MGAT5: variants seen among roughly 807,000 people sequenced by gnomAD.
MGAT5 encodes the protein alpha-1,6-mannosylglycoprotein 6-beta-N-acetylglucosaminyltransferase A.
A neutral mutation model predicts 94.3 loss-of-function variants in MGAT5; 30 were observed. That is an observed-to-expected ratio of 0.32 (90% CI 0.24 to 0.43). The LOEUF is 0.43. Among genes scored for constraint, MGAT5 ranks in the 20% least tolerant of loss-of-function variants. The pLI is 1.00. For synonymous variants in MGAT5, 310 were observed against 322.9 expected, an observed-to-expected ratio of 0.96 and a Z score of 0.43; for missense variants, 691 against 905.5, an observed-to-expected ratio of 0.76 and a Z score of 3.04.
chr2:134,213,044 G>T (rs1018597112), intron 1 of MGAT5, among the ~76,000 whole-genome samples: 3 of 152,184 alleles, frequency 2.0e-5, no homozygotes, highest in African/African-American at 7.2e-5. Flanking sequence ...GAAGAGTCAG[G>T]TCTGCATAGG....
intron 2 of MGAT5, among the ~76,000 whole-genome samples, chr2:134,302,362 A>T (rs893606740): frequency 3.3e-5 from 5 of 152,202 alleles, no homozygotes; most frequent in Non-Finnish European, 7.3e-5. Context: ...TCAATGTCTT[A>T]CATCTATAAA....
In MGAT5 at chr2:134,433,833, CTT is replaced by C. The variant is rs11307289; in HGVS notation, c.1869+5409_1869+5410del. On this transcript the variant is annotated intron_variant, in intron 14 of 15. Transcript: ENST00000281923. ...TTCATGGTCCTACCTGTCCTACCAA[CTT>C]TTTTTTTTTTTTTTGCCAATTTCTG... Among the ~76,000 whole-genome samples, 979 of 137,564 alleles carry C rather than the reference CTT, an allele frequency of 7.1e-3. 7 individuals are homozygous for C. The highest frequency in any genetic ancestry group is 0.017 in the African/African-American group (621 of 36,746). 90.2% of individuals were successfully genotyped at this position (137,564 alleles called of 152,430 possible).
intron 10 of MGAT5, among the ~76,000 whole-genome samples, chr2:134,387,333 T>TATATATATATATATA (rs1491455775): frequency 2.1e-3 from 21 of 9,792 alleles, no homozygotes; most frequent in East Asian, 3.0e-3. Flanking sequence ...TATATATATA[T>TATATATATATATATA]TTTTTTTTTT....
At chr2:134,339,251 G>GA (rs1266407164) in intron 6 of MGAT5, among the ~76,000 whole-genome samples, 1 of 152,160 alleles carries the variant, frequency 6.6e-6, no homozygotes, top group Non-Finnish European at 1.5e-5. Context: ...CATGTGTTCA[G>GA]ATGTGCAGGT....
intron 2 of MGAT5, among the ~76,000 whole-genome samples, chr2:134,281,450 T>C (rs566110577): frequency 6.6e-6 from 1 of 152,200 alleles, no homozygotes; most frequent in Non-Finnish European, 1.5e-5. Context: ...TTGGTTGCGC[T>C]CATGTCTTTT....
intron 4 of MGAT5, among the ~76,000 whole-genome samples, chr2:134,326,368 C>T (rs751531297): frequency 1.3e-5 from 2 of 151,980 alleles, no homozygotes; most frequent in African/African-American, 2.4e-5. Context: ...CCGCTTTGGC[C>T]AGTGAGGACC....
At chr2:134,321,100 G>A (rs1573794906) in intron 4 of MGAT5, among the ~76,000 whole-genome samples, 1 of 152,244 alleles carries the variant, frequency 6.6e-6, no homozygotes, top group South Asian at 2.1e-4. Flanking sequence ...CTTCCGGCTT[G>A]GGTGGCTTGT....
chr2:134,266,781 T>C (rs996487377), intron 1 of MGAT5, among the ~76,000 whole-genome samples: 4 of 152,062 alleles, frequency 2.6e-5, no homozygotes, highest in African/African-American at 9.7e-5. Context: ...ATCCTTAATC[T>C]TGGGTTGGCT....
At chr2:134,243,503 C>T (rs1184710709) in intron 1 of MGAT5, among the ~76,000 whole-genome samples, 1 of 152,190 alleles carries the variant, frequency 6.6e-6, no homozygotes, top group Non-Finnish European at 1.5e-5. Context: ...GTGAACTTAT[C>T]AGCCAGCATC....
At chr2:134,310,680 T>A (rs776200258) in intron 2 of MGAT5, among the ~76,000 whole-genome samples, 5 of 152,192 alleles carry the variant, frequency 3.3e-5, no homozygotes, top group African/African-American at 7.2e-5. Context: ...TTCATGTACA[T>A]GACTTAGTTA....
chr2:134,321,032 G>A (rs1345457182), intron 4 of MGAT5, among the ~76,000 whole-genome samples: 1 of 152,096 alleles, frequency 6.6e-6, no homozygotes, highest in Non-Finnish European at 1.5e-5. Context: ...GGTGTGTGAG[G>A]CTCCTCATTA....
chr2:134,142,797 C>T lies in MGAT5; in HGVS notation c.-143+22506C>T, dbSNP rs115301538. On this transcript the variant is annotated intron_variant, in intron 1 of 16. Coordinates refer to the MGAT5 transcript ENST00000409645. Reference sequence around the variant, plus strand: ...TAACTCTTTTTTTGTGGAGAAGGGGCGGGATAAAGACAAGGTCTCACTGTG... The same window carrying T: ...TAACTCTTTTTTTGTGGAGAAGGGGTGGGATAAAGACAAGGTCTCACTGTG... 3.2e-3 allele frequency among the ~76,000 whole-genome samples: 487 copies of T among 152,122 alleles called. 5 individuals carry two copies. The highest frequency in any genetic ancestry group is 0.011 in the African/African-American group (462 of 41,488).
At chr2:134,293,228 G>T (rs907891471) in intron 2 of MGAT5, among the ~76,000 whole-genome samples, 4 of 152,164 alleles carry the variant, frequency 2.6e-5, no homozygotes, top group African/African-American at 7.2e-5. Context: ...AATTGAAAAT[G>T]GATGGTAGAT....
chr2:134,434,839 C>T (rs573505500), intron 14 of MGAT5, among the ~76,000 whole-genome samples: 4 of 152,286 alleles, frequency 2.6e-5, no homozygotes, highest in East Asian at 1.9e-4. Context: ...TTTTTAGCAT[C>T]GGCCTCTCTT....
At chr2:134,381,576 C>G (rs1681636809) in intron 10 of MGAT5, among the ~76,000 whole-genome samples, 1 of 109,904 alleles carries the variant, frequency 9.1e-6, no homozygotes, top group Non-Finnish European at 2.3e-5. Context: ...GCCTGGGCAA[C>G]ATAGCAAGAC....
At chr2:134,178,046 G>A (rs1317311274) in intron 1 of MGAT5, among the ~76,000 whole-genome samples, 2 of 151,918 alleles carry the variant, frequency 1.3e-5, no homozygotes, top group Non-Finnish European at 2.9e-5. Context: ...TTTTCTTCGT[G>A]CAGTGGTGAA....
At chr2:134,239,504 G>A (rs1489432970) in intron 1 of MGAT5, among the ~76,000 whole-genome samples, 1 of 152,094 alleles carries the variant, frequency 6.6e-6, no homozygotes, top group East Asian at 1.9e-4. Flanking sequence ...TCACTTAATA[G>A]TCTGAGCTGT....
At chr2:134,332,119 T>C (rs543956053) in intron 4 of MGAT5, among the ~76,000 whole-genome samples, 4 of 152,150 alleles carry the variant, frequency 2.6e-5, no homozygotes, top group Non-Finnish European at 4.4e-5. Context: ...AAAAAGAGCC[T>C]GCATCACCAA....
intron 4 of MGAT5, among the ~76,000 whole-genome samples, chr2:134,322,568 A>G (rs935473): frequency 0.78 from 118,295 of 152,106 alleles, 46,635 homozygotes; most frequent in East Asian, 0.91. Flanking sequence ...AGCTGCACGT[A>G]TGGACCCAGT....
Sources: allele counts gnomAD v4.1 joint callset (sites outside exome capture counted in the v4.1 genomes callset), GRCh38; gene constraint gnomAD v4.1.1; transcripts MANE v1.5; gene names NCBI Gene and HGNC (gene_info 2026-07-23, HGNC 2026-07-21).